Variants in STOX2 observed in about 807,000 individuals in gnomAD.
The protein encoded by STOX2 is storkhead box 2, also known as storkhead-box protein 2.
STOX2 carries 28 observed loss-of-function variants against 60.9 expected under a neutral mutation model. The observed-to-expected ratio is 0.46, with a 90% CI of 0.34 to 0.63. The LOEUF is 0.63. Ranked by LOEUF, STOX2 falls within the 30% of genes least tolerant of loss-of-function variation. The pLI, the probability that STOX2 is intolerant of heterozygous loss-of-function variation, is 0.01. For synonymous variants in STOX2, 472 were observed against 463.9 expected, an observed-to-expected ratio of 1.02 and a Z score of -0.22; for missense variants, 1,024 against 1,187.7, an observed-to-expected ratio of 0.86 and a Z score of 2.03.
In STOX2 at chr4:183,976,269, G is replaced by A. The variant is rs138338370; in HGVS notation, c.167-25056G>A. On this transcript the variant is annotated intron_variant, in intron 1 of 3. Coordinates refer to ENST00000308497, the MANE Select transcript of STOX2 (RefSeq NM_020225.3). ...GGAGGTTGCAGTGAGCCAAGATTGC[G>A]CCACTGCACTCCAGCCTGGGCAACA... is the stretch of plus-strand genomic sequence containing the variant. Among the ~76,000 whole-genome samples, 56 of 152,158 alleles carry A rather than the reference G, an allele frequency of 3.7e-4. No individual in the cohort carries two copies. The East Asian group carries it at 8.3e-3, about 23-fold the overall frequency.
chr4:184,004,328 A>G (rs935463343), intron 2 of STOX2, among the ~76,000 whole-genome samples: 3 of 152,190 alleles, frequency 2.0e-5, no homozygotes, highest in African/African-American at 7.2e-5. Context: ...GGTCAGGCGC[A>G]GTGGCTCATG....
intron 1 of STOX2, among the ~76,000 whole-genome samples, chr4:183,818,685 C>T (rs1475416461): frequency 3.3e-5 from 5 of 151,024 alleles, no homozygotes; most frequent in Admixed American, 2.6e-4. Flanking sequence ...GGCAGAGGCG[C>T]CCCCCACCTC....
At chr4:183,950,952 A>C (rs557559934) in intron 1 of STOX2, among the ~76,000 whole-genome samples, 79 of 152,192 alleles carry the variant, frequency 5.2e-4, no homozygotes, top group African/African-American at 1.7e-3. Context: ...GCGGTGGCTC[A>C]CGCCTGTAAT....
chr4:183,898,658 C>T (rs942997151), intron 1 of STOX2, among the ~76,000 whole-genome samples: 3 of 152,208 alleles, frequency 2.0e-5, no homozygotes, highest in Non-Finnish European at 4.4e-5. Context: ...ACACCCAGTA[C>T]TGAATGGGCA....
intron 1 of STOX2, among the ~76,000 whole-genome samples, chr4:183,853,230 T>C (rs932559633): frequency 2.6e-5 from 4 of 152,200 alleles, no homozygotes; most frequent in African/African-American, 9.7e-5. Context: ...CGAAAGGAGA[T>C]TGTCTTCATT....
intron 1 of STOX2, among the ~76,000 whole-genome samples, chr4:183,924,424 G>T (rs764061394): frequency 6.6e-6 from 1 of 152,064 alleles, no homozygotes; most frequent in South Asian, 2.1e-4. Context: ...CCTTGGAGGG[G>T]CAGGCAGCCC....
At chr4:183,894,544 T>C (rs1741298474) in intron 1 of STOX2, among the ~76,000 whole-genome samples, 1 of 151,592 alleles carries the variant, frequency 6.6e-6, no homozygotes, top group Non-Finnish European at 1.5e-5. Flanking sequence ...GATTTAAATA[T>C]ATGGGACCTT....
intron 1 of STOX2, among the ~76,000 whole-genome samples, chr4:183,819,908 G>T (rs1202112472): frequency 6.6e-6 from 1 of 152,194 alleles, no homozygotes; most frequent in African/African-American, 2.4e-5. Context: ...AATAGGGTAA[G>T]CAATGTTCTG....
intron 1 of STOX2, among the ~76,000 whole-genome samples, chr4:183,909,762 A>T (rs58522061): frequency 0.37 from 56,027 of 151,878 alleles, 10,492 homozygotes; most frequent in East Asian, 0.45. Flanking sequence ...CTATAATAGC[A>T]AATGAGACAG....
intron 1 of STOX2, among the ~76,000 whole-genome samples, chr4:183,978,282 G>A (rs1202667871): frequency 6.6e-6 from 1 of 152,126 alleles, no homozygotes; most frequent in Non-Finnish European, 1.5e-5. Context: ...TGTATATGGA[G>A]TGGGATAGGA....
At chr4:183,953,206 G>C (rs554159292) in intron 1 of STOX2, among the ~76,000 whole-genome samples, 1 of 152,248 alleles carries the variant, frequency 6.6e-6, no homozygotes, top group East Asian at 1.9e-4. Flanking sequence ...AAAAAGTGTG[G>C]TGTTTCCCAG....
At position 183,838,078 on chromosome 4, in the gene STOX2, T is replaced by C. The variant is rs1739759032; in HGVS notation, c.364+40023T>C. On this transcript the variant is annotated intron_variant, in intron 1 of 2. Transcript: ENST00000513034. ...CCGCTTTTGTATTTAGTGATAATTT[T>C]TACGGTAAAAATATGTTAAATTTAT... 2.6e-5 allele frequency among the ~76,000 whole-genome samples: 4 copies of C among 152,124 alleles called. No homozygotes were observed. In the South Asian group the frequency reaches 8.3e-4, roughly 31 times the overall value.
At chr4:183,875,128 G>C (rs4862262) in intron 1 of STOX2, among the ~76,000 whole-genome samples, 147,106 of 150,858 alleles carry the variant, frequency 0.98, 71,828 homozygotes, top group East Asian at 1. Flanking sequence ...TAGTGGCCCT[G>C]GGCTGCCTCT....
At chr4:183,965,652 A>G (rs1178065418) in intron 1 of STOX2, among the ~76,000 whole-genome samples, 3 of 152,120 alleles carry the variant, frequency 2.0e-5, no homozygotes, top group Non-Finnish European at 4.4e-5. Flanking sequence ...TTATCATTGG[A>G]AAAGGGGTAA....
intron 1 of STOX2, among the ~76,000 whole-genome samples, chr4:183,844,756 C>T (rs1197158797): frequency 6.7e-6 from 1 of 150,304 alleles, no homozygotes; most frequent in Non-Finnish European, 1.5e-5. Context: ...TCAGCTTCAT[C>T]TCACCAAGGA....
At chr4:183,866,937 C>T (rs1450995456) in intron 1 of STOX2, among the ~76,000 whole-genome samples, 1 of 152,160 alleles carries the variant, frequency 6.6e-6, no homozygotes, top group East Asian at 1.9e-4. Flanking sequence ...TGTCAATCAA[C>T]ATGAATAGAA....
At chr4:183,924,912 C>T (rs1742198893) in intron 1 of STOX2, among the ~76,000 whole-genome samples, 1 of 152,158 alleles carries the variant, frequency 6.6e-6, no homozygotes, top group Non-Finnish European at 1.5e-5. Context: ...CTTAGAGAGT[C>T]TTAGGGAGGC....
intron 1 of STOX2, among the ~76,000 whole-genome samples, chr4:183,831,066 G>A (rs562684124): frequency 7.2e-5 from 11 of 152,140 alleles, no homozygotes; most frequent in Admixed American, 7.2e-4. Context: ...ACCGAACTCC[G>A]GGCCTGAGCA....
intron 1 of STOX2, among the ~76,000 whole-genome samples, chr4:183,818,718 C>CG (rs1739218771): frequency 6.8e-6 from 1 of 147,592 alleles, no homozygotes; most frequent in Non-Finnish European, 1.5e-5. Context: ...GCCGGCTGGG[C>CG]GGGGGCTGAC....
Sources: allele counts gnomAD v4.1 joint callset (sites outside exome capture counted in the v4.1 genomes callset), GRCh38; gene constraint gnomAD v4.1.1; transcripts MANE v1.5; gene names NCBI Gene and HGNC (gene_info 2026-07-23, HGNC 2026-07-21).